REV3L: variants seen among roughly 807,000 people sequenced by gnomAD.
The protein encoded by REV3L is REV3 like, DNA directed polymerase zeta catalytic subunit.
Under a neutral mutation model 299.4 loss-of-function variants are expected in REV3L, and 69 were observed. That is an observed-to-expected ratio of 0.23 (90% confidence interval 0.19 to 0.28). REV3L has a LOEUF of 0.28. REV3L is among the 10% of genes least tolerant of loss of function. The pLI, the probability that REV3L is intolerant of heterozygous loss-of-function variation, is 1.00. For synonymous variants in REV3L, 1,238 were observed against 1,271.4 expected (o/e 0.97, Z 0.56); for missense variants, 3,128 against 3,693.8 (o/e 0.85, Z 3.97).
intron 13 of REV3L, among the ~76,000 whole-genome samples, chr6:111,371,970 GT>G (rs1420085631): frequency 6.6e-6 from 1 of 152,142 alleles, no homozygotes; most frequent in Non-Finnish European, 1.5e-5. Context: ...GGGATTACAG[GT>G]GCACACCACC....
chr6:111,453,161 A>G (rs573784701), intron 1 of REV3L, among the ~76,000 whole-genome samples: 1 of 152,268 alleles, frequency 6.6e-6, no homozygotes, highest in South Asian at 2.1e-4. Context: ...AGGCATCAAC[A>G]TATTTCTGGG....
At chr6:111,310,189 A>G in intron 29 of REV3L, 90 bp from the exon 30 acceptor site, 1 of 1,398,634 alleles carries the variant, frequency 7.1e-7, no homozygotes. Flanking sequence ...ACAATAATAA[A>G]ACAATGAAAA....
At chr6:111,413,727 T>A (rs1401045632) in intron 2 of REV3L, among the ~76,000 whole-genome samples, 4 of 151,886 alleles carry the variant, frequency 2.6e-5, no homozygotes, top group Admixed American at 1.3e-4. Flanking sequence ...AAAACTGCAA[T>A]GAAAAATTAG....
intron 13 of REV3L, among the ~76,000 whole-genome samples, chr6:111,371,788 T>G (rs1406342739): frequency 6.6e-6 from 1 of 152,142 alleles, no homozygotes; most frequent in East Asian, 1.9e-4. Flanking sequence ...GGTCTTGAAC[T>G]CCTGACCTCA....
At chr6:111,348,601 C>T (rs17539909) in intron 20 of REV3L, among the ~76,000 whole-genome samples, 5,444 of 152,162 alleles carry the variant, frequency 0.036, 319 homozygotes, top group African/African-American at 0.12. Flanking sequence ...AAAATGACTT[C>T]CGTGAAAAAA....
At chr6:111,344,771 T>G (rs1241497770) in intron 20 of REV3L, among the ~76,000 whole-genome samples, 1 of 152,204 alleles carries the variant, frequency 6.6e-6, no homozygotes, top group East Asian at 1.9e-4. Flanking sequence ...GTCCCCATTC[T>G]TAGGTCAGTT....
rs530566399 is a variant in REV3L, at chr6:111,342,432, G to A, written c.7538+1493C>T. 1.7e-3 allele frequency among the ~76,000 whole-genome samples: 263 copies of A among 152,266 alleles called. 1 individual carries two copies. Among genetic ancestry groups the A allele is most frequent in the Middle Eastern group, 6.8e-3 (2 of 294 alleles). On this transcript the variant is annotated intron_variant, in intron 21 of 31. Transcript: ENST00000368802. ...GCCTGTAATCCCAGCACTTTGGGAGGCCGAGGCGGGCGGATCATGAGGTCA... is the reference window on the plus strand; with the variant it reads ...GCCTGTAATCCCAGCACTTTGGGAGACCGAGGCGGGCGGATCATGAGGTCA...
At chr6:111,306,703 T>C (rs1005704106) in intron 31 of REV3L, among the ~76,000 whole-genome samples, 1 of 152,202 alleles carries the variant, frequency 6.6e-6, no homozygotes, top group Non-Finnish European at 1.5e-5. Context: ...GACTCAATCA[T>C]GCCATTAATC....
chr6:111,477,173 CA>C (rs1341858178), intron 1 of REV3L, among the ~76,000 whole-genome samples: 5 of 152,178 alleles, frequency 3.3e-5, no homozygotes, highest in Non-Finnish European at 7.3e-5. Flanking sequence ...TTTATGCAAC[CA>C]TTTGCCAATT....
intron 31 of REV3L, among the ~76,000 whole-genome samples, chr6:111,303,364 T>A (rs1329557446): frequency 1.3e-5 from 2 of 150,944 alleles, no homozygotes; most frequent in Non-Finnish European, 3.0e-5. Context: ...TTTATTATTT[T>A]ATTTTTAATT....
At chr6:111,409,169 T>C (rs192786324) in intron 3 of REV3L, among the ~76,000 whole-genome samples, 1 of 152,344 alleles carries the variant, frequency 6.6e-6, no homozygotes, top group African/African-American at 2.4e-5. Flanking sequence ...TTGCAGTATA[T>C]TGCTTTTGTT....
intron 1 of REV3L, among the ~76,000 whole-genome samples, chr6:111,440,345 A>G (rs554416816): frequency 6.6e-6 from 1 of 152,342 alleles, no homozygotes; most frequent in Admixed American, 6.5e-5. Context: ...CTGGGATTAC[A>G]GGCGTGAGCC....
intron 1 of REV3L, among the ~76,000 whole-genome samples, chr6:111,440,730 C>T (rs1159467746): frequency 1.3e-5 from 2 of 152,154 alleles, no homozygotes; most frequent in Non-Finnish European, 2.9e-5. Flanking sequence ...ATATCATGTT[C>T]CTTTTCTCTG....
chr6:111,415,222 C>A (rs573104855), intron 2 of REV3L, among the ~76,000 whole-genome samples: 1 of 152,192 alleles, frequency 6.6e-6, no homozygotes, highest in East Asian at 1.9e-4. Context: ...CTACCAAGTT[C>A]CCAGGTGTGT....
At chr6:111,432,325 C>T (rs1476522951) in intron 1 of REV3L, among the ~76,000 whole-genome samples, 4 of 152,098 alleles carry the variant, frequency 2.6e-5, no homozygotes, top group Non-Finnish European at 5.9e-5. Flanking sequence ...AAACTTACTT[C>T]GCCTATAAAG....
At chr6:111,381,234 C>G (rs928366087) in intron 10 of REV3L, 91 bp downstream of exon 10, 8 of 1,347,428 alleles carry the variant, frequency 5.9e-6, no homozygotes, top group Non-Finnish European at 8.3e-6. Flanking sequence ...ACATTTACCT[C>G]TTCAAGTCAA....
intron 21 of REV3L, among the ~76,000 whole-genome samples, chr6:111,342,291 G>A (rs373370635): frequency 1.1e-4 from 16 of 152,142 alleles, no homozygotes; most frequent in African/African-American, 3.9e-4. Flanking sequence ...AAGCTTACTT[G>A]GGCCCAGGAC....
intron 23 of REV3L, 36 bp from the exon 24 acceptor site, chr6:111,331,820 C>A: frequency 7.7e-7 from 1 of 1,295,828 alleles, no homozygotes; most frequent in Admixed American, 1.8e-5. Context: ...AATACTTCCT[C>A]AAATCATAGA....
intron 20 of REV3L, among the ~76,000 whole-genome samples, chr6:111,348,252 T>C (rs183078157): frequency 2.6e-4 from 39 of 152,274 alleles, no homozygotes; most frequent in Non-Finnish European, 5.0e-4. Context: ...CATGTATGGC[T>C]TTTTTACATT....
Sources: gnomAD v4.1 joint callset for allele counts (sites outside exome capture counted in the v4.1 genomes callset) on GRCh38, gnomAD v4.1.1 for gene constraint, MANE v1.5 for transcripts, NCBI Gene and HGNC (gene_info 2026-07-23, HGNC 2026-07-21) for gene names.